HDHD5: variants seen among roughly 807,000 people sequenced by gnomAD.
The protein encoded by HDHD5 is haloacid dehalogenase-like hydrolase domain-containing 5.
In HDHD5, 34 loss-of-function variants were observed where a neutral mutation model predicts 35.5. That is an observed-to-expected ratio of 0.96 (90% CI 0.73 to 1.28). The LOEUF is 1.28. HDHD5 is among the 50% of genes most tolerant of loss of function. The probability of loss-of-function intolerance (pLI) is 0.00; values close to 1 mark genes in which losing one functional copy is unlikely to be tolerated. For missense variants in HDHD5, 589 were observed against 560.2 expected (o/e 1.05, Z -0.52); for synonymous variants, 248 against 240.6 (o/e 1.03, Z -0.29).
chr22:17,157,996 G>A (rs2061818876), intron 1 of HDHD5, among the ~76,000 whole-genome samples: 1 of 152,166 alleles, frequency 6.6e-6, no homozygotes, highest in African/African-American at 2.4e-5. Context: ...AATAGTGCCT[G>A]GCACAAAGTA....
intron 6 of HDHD5, 116 bp from the exon 7 acceptor site, chr22:17,138,854 G>T (rs1165593990): frequency 1.1e-5 from 12 of 1,107,506 alleles, no homozygotes. Context: ...CCCAGGGTAA[G>T]AGCTGACATG....
chr22:17,155,314 C>T (rs1273153772), intron 1 of HDHD5, among the ~76,000 whole-genome samples: 3 of 149,874 alleles, frequency 2.0e-5, no homozygotes, highest in Admixed American at 6.7e-5. Flanking sequence ...GGTGCAATCT[C>T]GACTCACTAC....
chr22:17,150,401 A>G (rs2061712845), intron 1 of HDHD5, among the ~76,000 whole-genome samples: 1 of 152,238 alleles, frequency 6.6e-6, no homozygotes. Flanking sequence ...CCTGTCCTGC[A>G]TAATTTCCAG....
intron 2 of HDHD5, among the ~76,000 whole-genome samples, chr22:17,149,250 G>A (rs549438001): frequency 6.6e-6 from 1 of 152,294 alleles, no homozygotes; most frequent in South Asian, 2.1e-4. Flanking sequence ...GGAAAGCCAA[G>A]GTGTGACGCC....
rs149099715 is a variant in HDHD5 at position 17,150,595 on chromosome 22, C to T, written c.127-850G>A. Among the ~76,000 whole-genome samples the T allele has an allele frequency of 1.2e-3, 188 of 151,546 alleles. 4 individuals are homozygous for T. The highest frequency in any genetic ancestry group is 4.4e-3 in the African/African-American group (180 of 41,232). On this transcript the variant is annotated intron_variant, in intron 1 of 7. Transcript: ENST00000336737. ...GTGCAGCAGCGTTATCTCAGCTCAC[C>T]GCAACCTCTGCCTCCCACGTTCAAG... is the stretch of plus-strand genomic sequence containing the variant.
upstream of HDHD5, among the ~76,000 whole-genome samples, chr22:17,162,668 T>TTAA (rs1365752970): frequency 6.6e-6 from 1 of 152,244 alleles, no homozygotes; most frequent in East Asian, 1.9e-4. Context: ...TGATAAGTCT[T>TTAA]TATTAGATTC....
intron 6 of HDHD5, 58 bp from the exon 7 acceptor site, chr22:17,138,796 AACAC>A: frequency 6.3e-7 from 1 of 1,587,596 alleles, no homozygotes; most frequent in Non-Finnish European, 8.6e-7. Flanking sequence ...TCTTCTAGAG[AACAC>A]GACTGCCACT....
At chr22:17,144,117 C>T (rs2061630220) in intron 4 of HDHD5, among the ~76,000 whole-genome samples, 1 of 152,260 alleles carries the variant, frequency 6.6e-6, no homozygotes, top group African/African-American at 2.4e-5. Flanking sequence ...GCCAGCTCTC[C>T]TGGGCAGCAC....
rs1568946469 is a variant in HDHD5 at position 17,149,680 on chromosome 22, G to GATC, written c.189_191dup (p.Val63_Ile64insMet). The GATC allele has an allele frequency of 3.7e-6, 6 of 1,614,022 alleles. No individual in the cohort carries two copies. Among genetic ancestry groups the GATC allele is most frequent in the Non-Finnish European group, 4.2e-6 (5 of 1,180,046 alleles). On this transcript the variant is annotated inframe_insertion, in exon 2 of 8. Transcript: ENST00000336737. ...TTCGGAAGGCTTTCAGAGCAGCAGG[G>GATC]ATCACTCTGTGGCCCCGCACAAGCA...
At chr22:17,158,676 G>A (rs1263817763) in intron 1 of HDHD5, 1 of 152,558 alleles carries the variant, frequency 6.6e-6, no homozygotes, top group Admixed American at 6.5e-5. Context: ...GTCACAGCGA[G>A]CTGAACTGAA....
At chr22:17,159,745 C>G (rs2061849042), upstream of HDHD5, 4 of 293,058 alleles carry the variant, frequency 1.4e-5, no homozygotes, top group South Asian at 1.0e-4. Flanking sequence ...TTCTGTAAAC[C>G]TGCTGACGCC....
chr22:17,161,872 CAAA>C (rs34979091), upstream of HDHD5, among the ~76,000 whole-genome samples: 3 of 85,554 alleles, frequency 3.5e-5, no homozygotes, highest in Admixed American at 2.8e-4. Context: ...GACTCTGTCT[CAAA>C]AAAAAAAAAA....
At chr22:17,144,954 C>T (rs1313510655) in intron 4 of HDHD5, 70 bp downstream of exon 4, 17 of 1,568,024 alleles carry the variant, frequency 1.1e-5, no homozygotes, top group South Asian at 6.8e-5. Flanking sequence ...GCAAGGTCAG[C>T]GACACAGCCA....
Position 17,149,696 on chromosome 22 carries a change from C to T in HDHD5, c.176G>A (p.Arg59Gln), listed in dbSNP as rs775431793. The change falls in exon 2 of 8, where the codon CGG becomes CAG. Residue 59 changes from arginine (R) to glutamine (Q), a missense_variant. Transcript: ENST00000336737. ...AGCAGCAGGGATCACTCTGTGGCCC[C>T]GCACAAGCACTCCATCGATGTCCAA... Reference protein sequence around the residue: ...FLLDIDGVLVRGHRVIPAALK... With the variant: ...FLLDIDGVLVQGHRVIPAALK... 9.9e-6 allele frequency: 16 copies of T among 1,614,080 alleles called. No homozygotes were observed. In the South Asian group the frequency reaches 1.5e-4, roughly 16 times the overall value.
At chr22:17,148,378 A>T in intron 3 of HDHD5, 70 bp downstream of exon 3, 1 of 1,263,772 alleles carries the variant, frequency 7.9e-7, no homozygotes, top group Non-Finnish European at 1.2e-6. Flanking sequence ...TACAGTCCCC[A>T]CTCAGCTAAG....
At position 17,141,320 on chromosome 22, in the gene HDHD5, C is replaced by T. The variant is rs2061599328; in HGVS notation, c.572-87G>A. 6.7e-6 allele frequency: 10 copies of T among 1,487,972 alleles called. No individual in the cohort carries two copies. The South Asian group carries it at 1.2e-4, about 18-fold the overall frequency. 92.2% of individuals were successfully genotyped at this position (1,487,972 alleles called of 1,614,324 possible). A position where few individuals can be genotyped will look rare whatever the true frequency, so the allele number is the denominator to read the frequency against. ...GATGCCAGCTAGGGCTACCCATCCA[C>T]AAGCCCTCCACCCATGGTGCACCCA... On this transcript the variant is annotated intron_variant, in intron 5 of 7. Transcript: ENST00000336737.
At chr22:17,157,483 C>T (rs1490654846) in intron 1 of HDHD5, among the ~76,000 whole-genome samples, 1 of 152,140 alleles carries the variant, frequency 6.6e-6, no homozygotes, top group Non-Finnish European at 1.5e-5. Context: ...AAGCCGCTAA[C>T]AGACTGCACA....
intron 1 of HDHD5, among the ~76,000 whole-genome samples, chr22:17,153,370 T>C (rs2061750075): frequency 6.6e-6 from 1 of 152,136 alleles, no homozygotes. Context: ...CAGTCTCAAA[T>C]TCAGCTGGCA....
intron 3 of HDHD5, among the ~76,000 whole-genome samples, chr22:17,146,405 G>T (rs1315703358): frequency 4.2e-5 from 6 of 143,348 alleles, no homozygotes; most frequent in African/African-American, 1.3e-4. Context: ...ACACGCCATC[G>T]CACACGCTCC....
Sources: allele counts gnomAD v4.1 joint callset (sites outside exome capture counted in the v4.1 genomes callset), GRCh38; gene constraint gnomAD v4.1.1; transcripts MANE v1.5; gene names NCBI Gene and HGNC (gene_info 2026-07-23, HGNC 2026-07-21).